Variants in SREBF1 observed in about 807,000 individuals in gnomAD.
SREBF1 encodes the protein sterol regulatory element-binding protein 1.
SREBF1 carries 45 observed loss-of-function variants against 100.1 expected under a neutral mutation model. The ratio of observed to expected loss-of-function variants is 0.45; its 90% CI spans 0.35 to 0.58. The LOEUF is 0.58. Among genes scored for constraint, SREBF1 ranks in the 20% least tolerant of loss-of-function variants. SREBF1 has a pLI of 0.00. For synonymous variants in SREBF1, 657 were observed against 681.8 expected (o/e 0.96, Z 0.57); for missense variants, 1,324 against 1,539.4 (o/e 0.86, Z 2.34).
rs528480634 is a variant in SREBF1, at chr17:17,812,509, G to T, written c.*113C>A. The T allele has an allele frequency of 1.8e-6, 2 of 1,120,676 alleles. No individual in the cohort carries two copies. The highest frequency in any genetic ancestry group is 2.6e-6 in the Non-Finnish European group (2 of 782,376). The allele number at this position is 1,120,676 out of a possible 1,614,324, so 69.4% of individuals were successfully genotyped here. ...ACACAGCAGCCGCAGGTCGAACTGT[G>T]GAGGCCAGAGTCTCTTGCACTGCCT... On this transcript the variant is annotated 3_prime_UTR_variant, in exon 19 of 19. Transcript: ENST00000261646.
At chr17:17,813,133 C>CTT (rs1217159344) in intron 18 of SREBF1, 23 of 567,116 alleles carry the variant, frequency 4.1e-5, no homozygotes, top group African/African-American at 1.4e-4. Flanking sequence ...GATGCTTGGT[C>CTT]TTTTTTTTTT....
Position 17,836,783 on chromosome 17 carries a change from T to A in SREBF1, c.35A>T (p.Glu12Val), listed in dbSNP as rs1313840874. 3.2e-6 allele frequency: 5 copies of A among 1,560,984 alleles called. No individual in the cohort carries two copies. Among genetic ancestry groups the A allele is most frequent in the Non-Finnish European group, 4.3e-6 (5 of 1,161,400 alleles). Residue 12 changes from glutamate (E) to valine (V), a missense_variant, in exon 1 of 19, where the codon GAG (glutamate) becomes GTG (valine). Coordinates refer to ENST00000261646, the MANE Select transcript of SREBF1 (RefSeq NM_004176.5). ...DEPPFSEAAL[E>V]QALGEPCDLD... Reference sequence around the variant, plus strand: ...ATCGCACGGCTCGCCCAGCGCCTGCTCCAAAGCCGCCTCGCTGAAGGGTGG... The same window carrying A: ...ATCGCACGGCTCGCCCAGCGCCTGCACCAAAGCCGCCTCGCTGAAGGGTGG...
chr17:17,817,943 G>A lies in SREBF1; in HGVS notation c.1184-27C>T, dbSNP rs1484200044. 1 of 1,596,962 alleles carries A rather than the reference G, an allele frequency of 6.3e-7. No homozygotes were observed. Reference sequence around the variant, plus strand: ...TGTGGGCCGAAAGGAACAGAGCCAGGAGTAAAGGCTGGATATGTGACCCCA... The same window carrying A: ...TGTGGGCCGAAAGGAACAGAGCCAGAAGTAAAGGCTGGATATGTGACCCCA... On this transcript the variant is annotated intron_variant, in intron 6 of 18. Coordinates refer to ENST00000261646, the MANE Select transcript of SREBF1 (RefSeq NM_004176.5). The surrounding 1 kb of genome is among the most constrained non-coding windows in gnomAD (Gnocchi z 6.6).
At chr17:17,827,962 C>A (rs938570651) in intron 1 of SREBF1, among the ~76,000 whole-genome samples, 2 of 152,158 alleles carry the variant, frequency 1.3e-5, no homozygotes, top group Admixed American at 1.3e-4. Flanking sequence ...CTAACCACCA[C>A]CCCCCCAGAC....
rs544532333 is a variant in SREBF1, at chr17:17,812,373, C to A, written c.*249G>T. ...CTGCAGAGCAAGGAGGGGGGCCCCC[C>A]AAAATGGCTCGGCCCCTGCAGTGCC... On this transcript the variant is annotated 3_prime_UTR_variant, in exon 19 of 19. Coordinates refer to ENST00000261646, the MANE Select transcript of SREBF1 (RefSeq NM_004176.5). 2.7e-5 allele frequency: 16 copies of A among 588,036 alleles called. No homozygotes were observed. Among genetic ancestry groups the A allele is most frequent in the African/African-American group, 2.7e-4 (14 of 52,762 alleles). 36.4% of individuals were successfully genotyped at this position (588,036 alleles called of 1,614,324 possible). A position where few individuals can be genotyped will look rare whatever the true frequency, so the allele number is the denominator to read the frequency against.
rs190283794 is a variant in SREBF1, at chr17:17,836,803, G to C, written c.15C>G (p.Pro5=). ...CCTGCTCCAAAGCCGCCTCGCTGAA[G>C]GGTGGCTCGTCCATGGCGCAGCCGC... MDEP[P]FSEAALEQAL... is the part of the protein sequence containing the mutation. Residue 5 remains proline (P), a synonymous_variant, in exon 1 of 19, where the codon CCC becomes CCG. Transcript: ENST00000261646. 1 of 1,542,464 alleles carries C rather than the reference G, an allele frequency of 6.5e-7. No individual in the cohort carries two copies.
chr17:17,818,689 G>T, intron 5 of SREBF1: 1 of 547,896 alleles, frequency 1.8e-6, no homozygotes, highest in Non-Finnish European at 3.3e-6. Context: ...TCTCTGCAAC[G>T]AGCCAAACGT....
At chr17:17,836,537 C>T (rs942043484) in intron 1 of SREBF1, among the ~76,000 whole-genome samples, 190 bp downstream of exon 1, 1 of 152,138 alleles carries the variant, frequency 6.6e-6, no homozygotes, top group African/African-American at 2.4e-5. Context: ...GCGCGCGGCC[C>T]GAGACGCTAG....
rs1278285091 is a variant in SREBF1 at position 17,825,610 on chromosome 17, T to C, written c.92-5089A>G. 3.2e-3 allele frequency among the ~76,000 whole-genome samples: 460 copies of C among 145,324 alleles called. 1 individual carries two copies. Among genetic ancestry groups the C allele is most frequent in the African/African-American group, 0.011 (422 of 39,618 alleles). ...TGATCTACTGGCCAATTTCTTTTTT[T>C]TTTTTTTTTTTTTTTGAGACAGAGT... On this transcript the variant is annotated intron_variant, in intron 1 of 18. Transcript: ENST00000261646.
At position 17,816,303 on chromosome 17, in the gene SREBF1, T is replaced by G. The variant is rs1357184590; in HGVS notation, c.2118A>C (p.Ala706=). The G allele has an allele frequency of 6.3e-7, 1 of 1,593,392 alleles. No individual in the cohort carries two copies. The highest frequency in any genetic ancestry group is 1.7e-5 in the Admixed American group (1 of 57,418). ...GCGTCGCCACAGACACGGCATCCCC[T>G]GCACACTCTGCCAGGTTCAGGGCAC... ...ALSALNLAEC[A]GDAVSVATLA... Residue 706 remains alanine, a synonymous_variant, in exon 11 of 19, where the codon GCA becomes GCC. Coordinates refer to ENST00000261646, the MANE Select transcript of SREBF1 (RefSeq NM_004176.5).
Position 17,836,769 on chromosome 17 carries a change from C to G in SREBF1, c.49G>C (p.Glu17Gln). Residue 17 changes from glutamate to glutamine, a missense_variant, in exon 1 of 19, where the codon GAG becomes CAG. Transcript: ENST00000261646. ...AGCGCCGCGTCCAGATCGCACGGCT[C>G]GCCCAGCGCCTGCTCCAAAGCCGCC... ...SEAALEQALG[E>Q]PCDLDAALLT... 2 of 1,569,328 alleles carry G rather than the reference C, an allele frequency of 1.3e-6. No individual in the cohort carries two copies. Among genetic ancestry groups the G allele is most frequent in the Non-Finnish European group, 1.7e-6 (2 of 1,165,666 alleles).
chr17:17,836,844 C>T lies in SREBF1; in HGVS notation c.-27G>A. Reference sequence around the variant, plus strand: ...GCGCAGCCGCCTCCTCCGGGAGGCCCGCCGGGCCCGCCGCCTCGTACGGCC... The same window carrying T: ...GCGCAGCCGCCTCCTCCGGGAGGCCTGCCGGGCCCGCCGCCTCGTACGGCC... On this transcript the variant is annotated 5_prime_UTR_variant, in exon 1 of 19. Transcript: ENST00000261646. 6.8e-7 allele frequency: 1 copy of T among 1,477,462 alleles called. No individual in the cohort carries two copies. Among genetic ancestry groups the T allele is most frequent in the East Asian group, 2.6e-5 (1 of 38,262 alleles). The allele number at this position is 1,477,462 out of a possible 1,614,324, so 91.5% of individuals were successfully genotyped here. A position where few individuals can be genotyped will look rare whatever the true frequency, so the allele number is the denominator to read the frequency against.
rs771570816 is a variant in SREBF1, at chr17:17,836,809, C to T, written c.9G>A (p.Glu3=). Residue 3 remains glutamate, a synonymous_variant, in exon 1 of 19, where the codon GAG becomes GAA. Coordinates refer to ENST00000261646, the MANE Select transcript of SREBF1 (RefSeq NM_004176.5). ...CCAAAGCCGCCTCGCTGAAGGGTGGCTCGTCCATGGCGCAGCCGCCTCCTC... is the reference window on the plus strand; with the variant it reads ...CCAAAGCCGCCTCGCTGAAGGGTGGTTCGTCCATGGCGCAGCCGCCTCCTC... MD[E]PPFSEAALEQ... is the part of the protein sequence containing the mutation. The T allele has an allele frequency of 1.3e-6, 2 of 1,538,246 alleles. No individual in the cohort carries two copies. The highest frequency in any genetic ancestry group is 2.4e-5 in the East Asian group (1 of 40,872).
intron 1 of SREBF1, among the ~76,000 whole-genome samples, chr17:17,827,026 G>A (rs1392221973): frequency 6.6e-6 from 1 of 152,230 alleles, no homozygotes; most frequent in Non-Finnish European, 1.5e-5. Flanking sequence ...AGATGAGGTG[G>A]TCAGGGCAGC....
chr17:17,813,832 G>T (rs2033225450), intron 16 of SREBF1, 63 bp from the exon 17 acceptor site: 2 of 1,482,762 alleles, frequency 1.3e-6, no homozygotes. Flanking sequence ...CAGGATGGGG[G>T]CCCGTGGTGC....
In SREBF1 at chr17:17,811,674, G is replaced by C. The variant is rs1272270401; in HGVS notation, c.*948C>G. 2.2e-6 allele frequency: 1 copy of C among 452,274 alleles called. No homozygotes were observed. The highest frequency in any genetic ancestry group is 4.4e-6 in the Non-Finnish European group (1 of 225,342). 28.0% of individuals were successfully genotyped at this position (452,274 alleles called of 1,614,324 possible). ...CTTTGCTGTGAGATGACCAGGGGCC[G>C]GGATGGGGGAGGTGAGACGTGCCAG... On this transcript the variant is annotated 3_prime_UTR_variant, in exon 19 of 19. Transcript: ENST00000261646.
At position 17,811,930 on chromosome 17, in the gene SREBF1, T is replaced by TAACA. The variant is rs538831427; in HGVS notation, c.*688_*691dup. 7.5e-4 allele frequency: 335 copies of TAACA among 447,112 alleles called. 1 individual carries two copies. The highest frequency in any genetic ancestry group is 6.0e-3 in the East Asian group (84 of 13,912). The allele number at this position is 447,112 out of a possible 1,614,324, so 27.7% of individuals were successfully genotyped here. A position where few individuals can be genotyped will look rare whatever the true frequency, so the allele number is the denominator to read the frequency against. ...AGCCAGCCCTCCCCACTCCTCCCACTAACAAACAAACATCGGGAAGAGCTA... is the reference window on the plus strand; with the variant it reads ...AGCCAGCCCTCCCCACTCCTCCCACTAACAAACAAACAAACATCGGGAAGAGCTA... On this transcript the variant is annotated 3_prime_UTR_variant, in exon 19 of 19. Coordinates refer to ENST00000261646, the MANE Select transcript of SREBF1 (RefSeq NM_004176.5).
rs1598107856 is a variant in SREBF1 at position 17,812,960 on chromosome 17, G to A, written c.3215-109C>T. ...CCAGCCGCCTGTACCTGGCACACAG[G>A]TACCTGGCGGGGGCCTGGCGGGTTC... On this transcript the variant is annotated intron_variant, in intron 18 of 18. Transcript: ENST00000261646. The A allele has an allele frequency of 1.0e-5, 11 of 1,069,332 alleles. No individual in the cohort carries two copies. In the East Asian group the frequency reaches 2.7e-4, roughly 26 times the overall value. 66.2% of individuals were successfully genotyped at this position (1,069,332 alleles called of 1,614,324 possible).
Position 17,819,141 on chromosome 17 carries a change from C to T in SREBF1, c.940G>A (p.Ala314Thr). The change falls in exon 5 of 19, where the codon GCC becomes ACC. Residue 314 changes from alanine to threonine, a missense_variant. Transcript: ENST00000261646. ...CCACGGCTCTGGGCAGAGGCCGGGG[C>T]CTTGCTGCCAGCTGCGAGCCGGTTG... ...PINRLAAGSK[A>T]PASAQSRGEK... 1 of 1,614,160 alleles carries T rather than the reference C, an allele frequency of 6.2e-7. No individual in the cohort carries two copies. The highest frequency in any genetic ancestry group is 8.5e-7 in the Non-Finnish European group (1 of 1,180,048).
Sources: gnomAD v4.1 joint callset for allele counts (sites outside exome capture counted in the v4.1 genomes callset) on GRCh38, gnomAD v4.1.1 for gene constraint, Gnocchi (gnomAD v3.1) non-coding constraint, MANE v1.5 for transcripts, NCBI Gene and HGNC (gene_info 2026-07-23, HGNC 2026-07-21) for gene names.